ROBO2: variants seen among roughly 807,000 people sequenced by gnomAD.
ROBO2 encodes roundabout guidance receptor 2, also known as roundabout homolog 2.
A neutral mutation model predicts 160.8 loss-of-function variants in ROBO2; 53 were observed. That is an observed-to-expected ratio of 0.33 (90% CI 0.26 to 0.41). The LOEUF (loss-of-function observed/expected upper bound fraction) is 0.41, where lower values mean the gene tolerates loss of function less well. Among genes scored for constraint, ROBO2 ranks in the 10% least tolerant of loss-of-function variants. The pLI, the probability that ROBO2 is intolerant of heterozygous loss-of-function variation, is 1.00. For missense variants in ROBO2, 1,577 were observed against 1,722.4 expected (o/e 0.92, Z 1.49); for synonymous variants, 664 against 611.7 (o/e 1.09, Z -1.26).
chr3:76,316,895 G>A (rs973768938), intron 2 of ROBO2, among the ~76,000 whole-genome samples: 1 of 152,282 alleles, frequency 6.6e-6, no homozygotes, highest in East Asian at 1.9e-4. Context: ...AACAACTTAA[G>A]ACTTTCTGGT....
At chr3:77,512,374 A>G (rs2089502007) in intron 5 of ROBO2, among the ~76,000 whole-genome samples, 1 of 151,962 alleles carries the variant, frequency 6.6e-6, no homozygotes, top group South Asian at 2.1e-4. Context: ...AAATTGAAAG[A>G]GGTAAAAGAT....
At chr3:76,737,751 A>G (rs1454448906) in intron 2 of ROBO2, among the ~76,000 whole-genome samples, 1 of 152,236 alleles carries the variant, frequency 6.6e-6, no homozygotes, top group Non-Finnish European at 1.5e-5. Flanking sequence ...GTTGGCAGTC[A>G]GGTAAACCCT....
At chr3:77,112,855 A>C (rs2150194926) in intron 2 of ROBO2, among the ~76,000 whole-genome samples, 1 of 152,288 alleles carries the variant, frequency 6.6e-6, no homozygotes, top group Admixed American at 6.5e-5. Flanking sequence ...TAATAAATAA[A>C]CCTAAAAAGT....
At chr3:76,621,781 A>T (rs2089106014) in intron 2 of ROBO2, among the ~76,000 whole-genome samples, 1 of 152,254 alleles carries the variant, frequency 6.6e-6, no homozygotes, top group African/African-American at 2.4e-5. Flanking sequence ...AATTATTTTA[A>T]ATCTAGTTTA....
chr3:76,759,394 C>T (rs1222471499), intron 2 of ROBO2, among the ~76,000 whole-genome samples: 1 of 151,710 alleles, frequency 6.6e-6, no homozygotes, highest in African/African-American at 2.4e-5. Flanking sequence ...TGTGTTCTTC[C>T]TTATAACACT....
At chr3:76,783,444 GTCCTTATCACTCTTTCA>G (rs1336475578) in intron 2 of ROBO2, among the ~76,000 whole-genome samples, 1 of 149,834 alleles carries the variant, frequency 6.7e-6, no homozygotes, top group African/African-American at 2.4e-5. Flanking sequence ...GTCTGGGAAT[GTCCTTATCACTCTTTCA>G]TTTCTGAAGA....
intron 2 of ROBO2, among the ~76,000 whole-genome samples, chr3:77,391,747 C>G (rs1009189056): frequency 6.6e-6 from 1 of 151,994 alleles, no homozygotes; most frequent in Non-Finnish European, 1.5e-5. Flanking sequence ...TTAGTAGAGA[C>G]GAGGCCTCAT....
chr3:77,214,370 A>G (rs1052715431), intron 2 of ROBO2, among the ~76,000 whole-genome samples: 2 of 151,986 alleles, frequency 1.3e-5, no homozygotes, highest in Admixed American at 6.6e-5. Flanking sequence ...TGTTGGTTTA[A>G]AGTCTGTTTA....
At chr3:77,378,246 TC>T (rs2072956501) in intron 2 of ROBO2, among the ~76,000 whole-genome samples, 1 of 152,192 alleles carries the variant, frequency 6.6e-6, no homozygotes, top group African/African-American at 2.4e-5. Context: ...ACTTGAAGGT[TC>T]AGCTAATATT....
At chr3:76,772,308 T>C (rs957247558) in intron 2 of ROBO2, among the ~76,000 whole-genome samples, 27 of 151,092 alleles carry the variant, frequency 1.8e-4, no homozygotes, top group Middle Eastern at 6.8e-3. Context: ...TTTCTCAATA[T>C]GTTTTAAAAA....
Position 76,073,267 on chromosome 3 carries a change from CTTTTTTTTTTTTT to C in ROBO2, c.109+135697_109+135709del, listed in dbSNP as rs869307615. On this transcript the variant is annotated intron_variant, in intron 2 of 26. Coordinates refer to the ROBO2 transcript ENST00000487694. ...TTGTAAACTTCTCAGAATGAGTATTCTTTTTTTTTTTTTTTTTTTTTTTTTTTTTTTTTTTTTT... is the reference window on the plus strand; with the variant it reads ...TTGTAAACTTCTCAGAATGAGTATTCTTTTTTTTTTTTTTTTTTTTTTTTT... Among the ~76,000 whole-genome samples the C allele has an allele frequency of 1.1e-3, 65 of 57,398 alleles. 16 individuals are homozygous for C. Among genetic ancestry groups the C allele is most frequent in the African/African-American group, 1.6e-3 (27 of 16,524 alleles). The allele number at this position is 57,398 out of a possible 152,430, so 37.7% of individuals were successfully genotyped here.
At chr3:76,177,046 TA>T (rs1313202880) in intron 2 of ROBO2, among the ~76,000 whole-genome samples, 4 of 152,164 alleles carry the variant, frequency 2.6e-5, no homozygotes, top group South Asian at 2.1e-4. Flanking sequence ...CAGAAAACAA[TA>T]AAAAAATTGT....
chr3:76,789,911 A>C (rs2063242804), intron 2 of ROBO2, among the ~76,000 whole-genome samples: 2 of 151,814 alleles, frequency 1.3e-5, no homozygotes, highest in Middle Eastern at 3.4e-3. Context: ...TAATTTGGAA[A>C]GTAATTTGTA....
intron 24 of ROBO2, among the ~76,000 whole-genome samples, chr3:77,640,043 A>G (rs2095324027): frequency 6.7e-6 from 1 of 150,140 alleles, no homozygotes; most frequent in African/African-American, 2.5e-5. Flanking sequence ...AATTTTGGCT[A>G]ACTTGTAGAA....
intron 2 of ROBO2, among the ~76,000 whole-genome samples, chr3:75,957,146 C>G (rs1322646680): frequency 6.6e-6 from 1 of 151,442 alleles, no homozygotes; most frequent in Non-Finnish European, 1.5e-5. Context: ...TAAAATATAT[C>G]TAATGTTTTT....
At chr3:77,285,689 G>A (rs968394879) in intron 2 of ROBO2, among the ~76,000 whole-genome samples, 1 of 151,904 alleles carries the variant, frequency 6.6e-6, no homozygotes, top group Non-Finnish European at 1.5e-5. Context: ...GTATCATTGC[G>A]CTATTCTCCA....
intron 2 of ROBO2, among the ~76,000 whole-genome samples, chr3:76,647,041 A>G (rs902458522): frequency 5.3e-5 from 8 of 152,102 alleles, no homozygotes; most frequent in Non-Finnish European, 1.0e-4. Context: ...CTAGGACTAG[A>G]GACTCTGACC....
intron 2 of ROBO2, among the ~76,000 whole-genome samples, chr3:77,233,313 C>T (rs989984939): frequency 4.0e-5 from 6 of 151,838 alleles, no homozygotes; most frequent in South Asian, 4.2e-4. Flanking sequence ...TAATCCTTGC[C>T]CCCCCCTCCA....
intron 2 of ROBO2, among the ~76,000 whole-genome samples, chr3:77,121,797 C>T (rs990534084): frequency 2.6e-5 from 4 of 152,006 alleles, no homozygotes; most frequent in Non-Finnish European, 4.4e-5. Context: ...TATGAATATA[C>T]TATGTTACTC....
Sources: allele counts gnomAD v4.1 joint callset (sites outside exome capture counted in the v4.1 genomes callset), GRCh38; gene constraint gnomAD v4.1.1; transcripts MANE v1.5; gene names NCBI Gene and HGNC (gene_info 2026-07-23, HGNC 2026-07-21).